TDRD3: variants seen among roughly 807,000 people sequenced by gnomAD.
TDRD3 encodes tudor domain-containing protein 3.
A neutral mutation model predicts 86.7 loss-of-function variants in TDRD3; 45 were observed. That is an observed-to-expected ratio of 0.52 (90% confidence interval 0.41 to 0.67). The LOEUF (loss-of-function observed/expected upper bound fraction) is 0.67. TDRD3 is among the 30% of genes least tolerant of loss of function. TDRD3 has a pLI of 0.00. For missense variants in TDRD3, 814 were observed against 889.0 expected, an observed-to-expected ratio of 0.92 and a Z score of 1.07; for synonymous variants, 298 against 301.7, an observed-to-expected ratio of 0.99 and a Z score of 0.13.
intron 1 of TDRD3, among the ~76,000 whole-genome samples, chr13:60,408,684 G>A (rs1031828916): frequency 6.6e-6 from 1 of 152,178 alleles, no homozygotes; most frequent in African/African-American, 2.4e-5. Context: ...AAATTTCTAA[G>A]CAGCATAGCA....
intron 8 of TDRD3, among the ~76,000 whole-genome samples, chr13:60,509,310 TA>T (rs142206040): frequency 0.15 from 22,516 of 148,802 alleles, 2,097 homozygotes; most frequent in South Asian, 0.28. Flanking sequence ...AGTACTAGTT[TA>T]AAAAAAAAAG....
At chr13:60,406,029 G>T (rs1028260251) in intron 1 of TDRD3, among the ~76,000 whole-genome samples, 1 of 152,192 alleles carries the variant, frequency 6.6e-6, no homozygotes, top group Non-Finnish European at 1.5e-5. Flanking sequence ...AATTCAGTTA[G>T]GGACTGTTAG....
At chr13:60,461,480 C>T (rs757078586) in intron 4 of TDRD3, among the ~76,000 whole-genome samples, 5 of 152,156 alleles carry the variant, frequency 3.3e-5, no homozygotes, top group African/African-American at 7.2e-5. Context: ...GAGGTGGAAA[C>T]TTTCACTAGA....
At chr13:60,455,884 A>C (rs1955658424) in intron 3 of TDRD3, among the ~76,000 whole-genome samples, 2 of 152,076 alleles carry the variant, frequency 1.3e-5, no homozygotes, top group Non-Finnish European at 2.9e-5. Flanking sequence ...CCTGGCCAAC[A>C]TGGTGAAACC....
chr13:60,529,918 G>T (rs1346830830), intron 11 of TDRD3, among the ~76,000 whole-genome samples: 1 of 152,016 alleles, frequency 6.6e-6, no homozygotes, highest in Non-Finnish European at 1.5e-5. Context: ...AGCAAGAAAG[G>T]GAAAGGGACA....
At chr13:60,457,206 G>A (rs1023555267) in intron 3 of TDRD3, among the ~76,000 whole-genome samples, 1 of 152,078 alleles carries the variant, frequency 6.6e-6, no homozygotes, top group African/African-American at 2.4e-5. Flanking sequence ...ACTAACTTAA[G>A]GCTTGATGAT....
At chr13:60,483,643 T>C in intron 5 of TDRD3, 132 bp from the exon 6 acceptor site, 1 of 722,042 alleles carries the variant, frequency 1.4e-6, no homozygotes, top group South Asian at 2.5e-5. Context: ...TTGAAATACT[T>C]CATGGAAGGC....
intron 5 of TDRD3, among the ~76,000 whole-genome samples, chr13:60,474,206 C>T (rs1183148177): frequency 2.0e-5 from 3 of 152,210 alleles, no homozygotes; most frequent in Admixed American, 1.3e-4. Flanking sequence ...GCCTTGGCTG[C>T]CAAACAGGGA....
At chr13:60,426,636 G>A (rs773539459) in intron 1 of TDRD3, among the ~76,000 whole-genome samples, 21 of 152,264 alleles carry the variant, frequency 1.4e-4, no homozygotes, top group Non-Finnish European at 2.6e-4. Context: ...GATGACCAAA[G>A]TTGCCCCCAT....
At chr13:60,530,422 CA>C (rs1489984046) in intron 11 of TDRD3, among the ~76,000 whole-genome samples, 1 of 151,144 alleles carries the variant, frequency 6.6e-6, no homozygotes, top group African/African-American at 2.4e-5. Flanking sequence ...AGAAGCAACT[CA>C]AAAGAGGAAA....
intron 7 of TDRD3, among the ~76,000 whole-genome samples, chr13:60,492,030 G>T (rs1566239363): frequency 6.6e-6 from 1 of 152,102 alleles, no homozygotes; most frequent in Admixed American, 6.6e-5. Context: ...GCTCATAAAG[G>T]GCAACACCAG....
At chr13:60,424,305 G>A (rs948946439) in intron 1 of TDRD3, among the ~76,000 whole-genome samples, 2 of 140,990 alleles carry the variant, frequency 1.4e-5, no homozygotes, top group Non-Finnish European at 3.1e-5. Context: ...ACAGGCGTGA[G>A]CCACCGCCCC....
chr13:60,562,672 G>A (rs376951025), intron 12 of TDRD3, among the ~76,000 whole-genome samples: 2 of 152,176 alleles, frequency 1.3e-5, no homozygotes, highest in East Asian at 3.9e-4. Flanking sequence ...AAGGACTATT[G>A]CAGAGTACAC....
chr13:60,541,622 C>T (rs1253530371), intron 12 of TDRD3, among the ~76,000 whole-genome samples: 3 of 144,102 alleles, frequency 2.1e-5, no homozygotes, highest in African/African-American at 7.7e-5. Context: ...ATTTATGATA[C>T]TTTACTTGTA....
At chr13:60,445,211 A>G (rs1176571571) in intron 3 of TDRD3, among the ~76,000 whole-genome samples, 9 of 152,336 alleles carry the variant, frequency 5.9e-5, no homozygotes, top group East Asian at 3.9e-4. Flanking sequence ...CAGTACACAC[A>G]TATGTATTCG....
At chr13:60,498,181 C>G (rs888376514) in intron 8 of TDRD3, among the ~76,000 whole-genome samples, 1 of 151,952 alleles carries the variant, frequency 6.6e-6, no homozygotes, top group Non-Finnish European at 1.5e-5. Context: ...CTGGGAGGGT[C>G]CAGAAGATAT....
At chr13:60,486,719 CTG>C (rs1269497540) in intron 7 of TDRD3, among the ~76,000 whole-genome samples, 2 of 152,180 alleles carry the variant, frequency 1.3e-5, no homozygotes, top group Admixed American at 1.3e-4. Context: ...TTCCTCCTAA[CTG>C]TAATTTAATT....
At chr13:60,492,917 C>CTT (rs71199004) in intron 7 of TDRD3, among the ~76,000 whole-genome samples, 1,700 of 115,412 alleles carry the variant, frequency 0.015, 74 homozygotes, top group East Asian at 0.036. Context: ...TCTTTCTTTT[C>CTT]TTTTTTTTTT....
rs754103685 is a variant in TDRD3 at position 60,460,558 on chromosome 13, T to A, written c.353+18T>A. 6 of 1,524,694 alleles carry A rather than the reference T, an allele frequency of 3.9e-6. No individual in the cohort carries two copies. Among genetic ancestry groups the A allele is most frequent in the Non-Finnish European group, 5.2e-6 (6 of 1,146,016 alleles). 94.4% of individuals were successfully genotyped at this position (1,524,694 alleles called of 1,614,324 possible). ...AAAATAAGGTGATTGGCACTTTATT[T>A]TGTGTATTTGTTACAGAATGTTGAA... is the stretch of plus-strand genomic sequence containing the variant. On this transcript the variant is annotated intron_variant, in intron 4 of 13. Transcript: ENST00000377881.
Sources: gnomAD v4.1 joint callset for allele counts (sites outside exome capture counted in the v4.1 genomes callset) on GRCh38, gnomAD v4.1.1 for gene constraint, MANE v1.5 for transcripts, NCBI Gene and HGNC (gene_info 2026-07-23, HGNC 2026-07-21) for gene names.